CACNA1C: variants seen among roughly 807,000 people sequenced by gnomAD.
CACNA1C encodes the protein calcium voltage-gated channel subunit alpha1 C.
Under a neutral mutation model 229.0 loss-of-function variants are expected in CACNA1C, and 30 were observed. The ratio of observed to expected loss-of-function variants is 0.13; its 90% confidence interval spans 0.10 to 0.18. CACNA1C has a LOEUF of 0.18. Among genes scored for constraint, CACNA1C ranks in the 10% least tolerant of loss-of-function variants. The pLI is 1.00. For synonymous variants in CACNA1C, 1,114 were observed against 1,132.5 expected (o/e 0.98, Z 0.33); for missense variants, 1,658 against 2,845.0 (o/e 0.58, Z 9.49).
Position 2,020,400 on chromosome 12 carries a change from C to T in CACNA1C, c.139+49199C>T, listed in dbSNP as rs11062074. 0.048 allele frequency: 7,313 copies of T among 152,268 alleles called. 816 individuals are homozygous for T. In the East Asian group the frequency reaches 0.49, roughly 10 times the overall value. The allele number at this position is 152,268 out of a possible 1,614,324, so 9.4% of individuals were successfully genotyped here. Reference sequence around the variant, plus strand: ...ATGCCTAGGGCTGTTTGTCTCCAAACCTGTGCCTTGCACCCTTAGCTCTGG... The same window carrying T: ...ATGCCTAGGGCTGTTTGTCTCCAAATCTGTGCCTTGCACCCTTAGCTCTGG... On this transcript the variant is annotated intron_variant, in intron 1 of 46. Transcript: ENST00000682462.
At chr12:2,648,839 A>T (rs2094610558) in intron 31 of CACNA1C, among the ~76,000 whole-genome samples, 1 of 152,096 alleles carries the variant, frequency 6.6e-6, no homozygotes, top group Admixed American at 6.5e-5. Context: ...AAAGCCTCTA[A>T]CCTTAATCTG....
intron 1 of CACNA1C, among the ~76,000 whole-genome samples, chr12:2,012,508 G>C (rs572079128): frequency 1.3e-5 from 2 of 152,298 alleles, no homozygotes; most frequent in East Asian, 1.9e-4. Flanking sequence ...ACAGAAAAAG[G>C]CTTTTGGCCT....
chr12:2,491,597 T>C (rs2099734542), intron 6 of CACNA1C, among the ~76,000 whole-genome samples: 1 of 148,846 alleles, frequency 6.7e-6, no homozygotes, highest in Non-Finnish European at 1.5e-5. Flanking sequence ...ATAAAGCTGA[T>C]GGGGTCAGTG....
At chr12:2,386,369 T>G (rs1468717038) in intron 3 of CACNA1C, among the ~76,000 whole-genome samples, 2 of 152,208 alleles carry the variant, frequency 1.3e-5, no homozygotes, top group African/African-American at 4.8e-5. Flanking sequence ...TCTTTCTGCC[T>G]CTTGAGCAAG....
intron 5 of CACNA1C, among the ~76,000 whole-genome samples, chr12:2,476,651 G>T (rs1202020671): frequency 1.3e-5 from 2 of 151,896 alleles, no homozygotes; most frequent in African/African-American, 4.8e-5. Context: ...ATCCACATTG[G>T]TAATATAAAA....
At chr12:2,284,383 C>T (rs1024748060) in intron 3 of CACNA1C, among the ~76,000 whole-genome samples, 20 of 150,076 alleles carry the variant, frequency 1.3e-4, no homozygotes, top group African/African-American at 4.9e-4. Flanking sequence ...GTTTTAGTTA[C>T]ACAAGCGGCT....
intron 18 of CACNA1C, among the ~76,000 whole-genome samples, chr12:2,589,853 T>C (rs2064395673): frequency 6.6e-6 from 1 of 152,086 alleles, no homozygotes; most frequent in Non-Finnish European, 1.5e-5. Context: ...ATTTTGCAGG[T>C]AGGACCAGCT....
intron 3 of CACNA1C, among the ~76,000 whole-genome samples, chr12:2,267,284 GGAGCT>G (rs1209043818): frequency 6.6e-6 from 1 of 152,156 alleles, no homozygotes; most frequent in Non-Finnish European, 1.5e-5. Flanking sequence ...CTCTCAGGCT[GGAGCT>G]GAGCTTTGGG....
At chr12:2,499,316 C>A (rs556417155) in intron 7 of CACNA1C, among the ~76,000 whole-genome samples, 4 of 152,160 alleles carry the variant, frequency 2.6e-5, no homozygotes, top group Non-Finnish European at 5.9e-5. Context: ...TCCTGCCTTT[C>A]GATGGCAGGT....
At chr12:2,472,047 C>G (rs572993327) in intron 5 of CACNA1C, among the ~76,000 whole-genome samples, 31 of 152,208 alleles carry the variant, frequency 2.0e-4, no homozygotes, top group Non-Finnish European at 4.1e-4. Flanking sequence ...AAAATTTTCT[C>G]TCTCAGTTTT....
chr12:2,498,609 G>A (rs111442472), intron 7 of CACNA1C, among the ~76,000 whole-genome samples: 1 of 152,348 alleles, frequency 6.6e-6, no homozygotes, highest in African/African-American at 2.4e-5. Context: ...AGGCAGTTCA[G>A]GTCTAACTAA....
chr12:2,545,836 G>C (rs1462518813), intron 9 of CACNA1C, among the ~76,000 whole-genome samples: 1 of 152,228 alleles, frequency 6.6e-6, no homozygotes, highest in South Asian at 2.1e-4. Flanking sequence ...GCTCATGCCA[G>C]TTCTTTCAGA....
intron 1 of CACNA1C, among the ~76,000 whole-genome samples, chr12:2,103,864 T>C (rs1421790044): frequency 6.6e-6 from 1 of 152,218 alleles, no homozygotes; most frequent in Admixed American, 6.5e-5. Flanking sequence ...TTTTGTCAGA[T>C]TTGTGAAAGA....
At chr12:2,190,915 G>A (rs550540274) in intron 3 of CACNA1C, among the ~76,000 whole-genome samples, 1 of 152,160 alleles carries the variant, frequency 6.6e-6, no homozygotes, top group African/African-American at 2.4e-5. Context: ...ACAGATAAGG[G>A]CCCAAGTCGC....
intron 3 of CACNA1C, among the ~76,000 whole-genome samples, chr12:2,135,410 G>A (rs1042562307): frequency 1.4e-5 from 2 of 143,422 alleles, no homozygotes; most frequent in Non-Finnish European, 3.0e-5. Flanking sequence ...CAGTTTTTCT[G>A]TTCTGTTTTT....
Position 2,691,287 on chromosome 12 carries a change from T to C in CACNA1C, c.*88T>C. 7.8e-7 allele frequency: 1 copy of C among 1,285,856 alleles called. No individual in the cohort carries two copies. Among genetic ancestry groups the C allele is most frequent in the Non-Finnish European group, 1.0e-6 (1 of 965,688 alleles). 79.7% of individuals were successfully genotyped at this position (1,285,856 alleles called of 1,614,324 possible). ...GAAGTGCCTCACTGTTCTCGTGACC[T>C]GGAGTTAACCGGAACAGCGTCTTCA... On this transcript the variant is annotated 3_prime_UTR_variant, in exon 47 of 47. Coordinates refer to ENST00000399655, the MANE Select transcript of CACNA1C (RefSeq NM_000719.7).
intron 18 of CACNA1C, among the ~76,000 whole-genome samples, chr12:2,588,347 C>T (rs1329965209): frequency 6.6e-6 from 1 of 152,240 alleles, no homozygotes; most frequent in Non-Finnish European, 1.5e-5. Flanking sequence ...CCTGCTCTGC[C>T]TTCAGCCAGA....
chr12:2,099,208 A>C (rs1453972446), intron 1 of CACNA1C, among the ~76,000 whole-genome samples: 1 of 152,258 alleles, frequency 6.6e-6, no homozygotes, highest in Admixed American at 6.5e-5. Flanking sequence ...GAAAAGATGA[A>C]GAGAAAAAGG....
intron 3 of CACNA1C, among the ~76,000 whole-genome samples, chr12:2,291,612 A>C (rs554108093): frequency 6.6e-6 from 1 of 152,222 alleles, no homozygotes; most frequent in Non-Finnish European, 1.5e-5. Flanking sequence ...AGTACCCTGC[A>C]GTGGAGGGCG....
Sources: gnomAD v4.1 joint callset for allele counts (sites outside exome capture counted in the v4.1 genomes callset) on GRCh38, gnomAD v4.1.1 for gene constraint, MANE v1.5 for transcripts, NCBI Gene and HGNC (gene_info 2026-07-23, HGNC 2026-07-21) for gene names.